Variants in ANXA8 observed in about 807,000 individuals in gnomAD.
ANXA8 encodes annexin A8.
In ANXA8, 9 loss-of-function variants were observed where a neutral mutation model predicts 26.8. That is an observed-to-expected ratio of 0.34 (90% CI 0.20 to 0.59). The LOEUF (loss-of-function observed/expected upper bound fraction) is 0.59. ANXA8 is among the 20% of genes least tolerant of loss of function. ANXA8 has a pLI of 0.84. For missense variants in ANXA8, 83 were observed against 238.5 expected (o/e 0.35, Z 4.29); for synonymous variants, 39 against 94.8 (o/e 0.41, Z 3.42).
chr10:47,975,605 C>T, the ANXA8 span, among the ~76,000 whole-genome samples: 1 of 150,968 alleles, frequency 6.6e-6, no homozygotes, highest in South Asian at 2.1e-4. Flanking sequence ...AGTCTGCTGA[C>T]TAAGCTGCAG....
chr10:47,571,805 CTT>C, the ANXA8 span, among the ~76,000 whole-genome samples: 1 of 146,892 alleles, frequency 6.8e-6, no homozygotes, highest in Non-Finnish European at 1.5e-5. Flanking sequence ...ACCTGGCTAA[CTT>C]TTTAATTTTT....
At chr10:47,486,979 A>G (rs1407681347), upstream of ANXA8, among the ~76,000 whole-genome samples, 6 of 150,348 alleles carry the variant, frequency 4.0e-5, no homozygotes, top group Non-Finnish European at 8.9e-5. Context: ...TCTCAAAACA[A>G]AAACAAAAAC....
the ANXA8 span, among the ~76,000 whole-genome samples, chr10:47,687,544 C>T: frequency 6.4e-3 from 971 of 151,930 alleles, 15 homozygotes; most frequent in South Asian, 0.046. Flanking sequence ...GGATTACAGG[C>T]GTGAGCCACC....
the ANXA8 span, among the ~76,000 whole-genome samples, chr10:47,946,286 C>T: frequency 1.3e-5 from 2 of 149,484 alleles, no homozygotes; most frequent in Admixed American, 1.3e-4. Context: ...ATTTTTCTTC[C>T]TAATATTTAT....
At chr10:47,948,732 G>A in the ANXA8 span, among the ~76,000 whole-genome samples, 1 of 150,672 alleles carries the variant, frequency 6.6e-6, no homozygotes, top group Non-Finnish European at 1.5e-5. Context: ...CAAATTTGAT[G>A]AAACATACAA....
At chr10:47,599,889 G>A in the ANXA8 span, 1 of 150,290 alleles carries the variant, frequency 6.7e-6, no homozygotes, top group East Asian at 1.9e-4. Flanking sequence ...AGACCTGGGA[G>A]CTTTCCTGCG....
the ANXA8 span, among the ~76,000 whole-genome samples, chr10:47,646,190 G>C: frequency 7.0e-6 from 1 of 142,042 alleles, no homozygotes; most frequent in Non-Finnish European, 1.5e-5. Context: ...TCTCATTTAT[G>C]GTTCTGTTTC....
At chr10:47,695,519 T>A in the ANXA8 span, among the ~76,000 whole-genome samples, 6 of 151,720 alleles carry the variant, frequency 4.0e-5, no homozygotes, top group Admixed American at 3.9e-4. Context: ...ATTGCTGAGT[T>A]TGGGGAGCCA....
the ANXA8 span, among the ~76,000 whole-genome samples, chr10:47,700,459 AG>A: frequency 4.3e-4 from 66 of 152,056 alleles, no homozygotes; most frequent in Middle Eastern, 3.4e-3. Flanking sequence ...TTTGGAAAAA[AG>A]GGAAAATTGG....
the ANXA8 span, among the ~76,000 whole-genome samples, chr10:47,894,590 C>T: frequency 4.1e-5 from 6 of 146,838 alleles, no homozygotes; most frequent in Non-Finnish European, 7.5e-5. Context: ...CACAATGCAC[C>T]ACACACACTG....
chr10:47,768,204 A>G, the ANXA8 span, among the ~76,000 whole-genome samples: 35 of 151,492 alleles, frequency 2.3e-4, no homozygotes, highest in South Asian at 7.1e-3. Flanking sequence ...GTGGCAAACA[A>G]CAATTAATTT....
the ANXA8 span, among the ~76,000 whole-genome samples, chr10:47,516,121 A>G: frequency 1.1e-5 from 1 of 88,188 alleles, no homozygotes; most frequent in Non-Finnish European, 2.1e-5. Context: ...AGAAGGGGAA[A>G]AATTAAAAAT....
the ANXA8 span, among the ~76,000 whole-genome samples, chr10:47,737,538 C>A: frequency 6.6e-6 from 1 of 151,846 alleles, no homozygotes; most frequent in Non-Finnish European, 1.5e-5. Context: ...TATTGCTGAG[C>A]CAGAACCATA....
chr10:47,767,978 C>T, the ANXA8 span, among the ~76,000 whole-genome samples: 1 of 149,420 alleles, frequency 6.7e-6, no homozygotes, highest in East Asian at 2.0e-4. Context: ...GGAGTGAGCC[C>T]GCCAAGGCCA....
the ANXA8 span, among the ~76,000 whole-genome samples, chr10:47,650,426 C>G: frequency 1.3e-5 from 2 of 151,482 alleles, no homozygotes; most frequent in Non-Finnish European, 2.9e-5. Flanking sequence ...TAAATATTTG[C>G]AAATTGTGTA....
At chr10:47,991,695 G>A in the ANXA8 span, 1 of 1,611,318 alleles carries the variant, frequency 6.2e-7, no homozygotes, top group East Asian at 2.2e-5. Flanking sequence ...CTTTCCACCA[G>A]GCCATCTCTT....
At chr10:47,751,070 T>C in the ANXA8 span, 1 of 150,876 alleles carries the variant, frequency 6.6e-6, no homozygotes, top group African/African-American at 2.4e-5. Context: ...AATGAGTACA[T>C]TAAAAATCCT....
In ANXA8 at chr10:47,476,469, A is replaced by G. The variant is rs1350084717; in HGVS notation, c.322-147T>C. ...TGGGAGGATGTGATGAGAAAATCAC[A>G]TGCTTCAGTGATGAACATTGAGGGC... On this transcript the variant is annotated intron_variant, in intron 4 of 11. Coordinates refer to ENST00000585281, the MANE Select transcript of ANXA8 (RefSeq NM_001040084.3). 531 of 1,278,426 alleles carry G rather than the reference A, an allele frequency of 4.2e-4. 57 individuals carry two copies. The highest frequency in any genetic ancestry group is 5.4e-4 in the Non-Finnish European group (509 of 940,870). The allele number at this position is 1,278,426 out of a possible 1,614,324, so 79.2% of individuals were successfully genotyped here. A position where few individuals can be genotyped will look rare whatever the true frequency, so the allele number is the denominator to read the frequency against.
At chr10:47,895,002 C>T in the ANXA8 span, among the ~76,000 whole-genome samples, 6 of 149,926 alleles carry the variant, frequency 4.0e-5, no homozygotes, top group African/African-American at 1.5e-4. Flanking sequence ...ATACGTCACA[C>T]ATACCACACA....
Sources: allele counts gnomAD v4.1 joint callset (sites outside exome capture counted in the v4.1 genomes callset), GRCh38; gene constraint gnomAD v4.1.1; transcripts MANE v1.5; gene names NCBI Gene and HGNC (gene_info 2026-07-23, HGNC 2026-07-21).